TEAD1: variants seen among roughly 807,000 people sequenced by gnomAD.
TEAD1 encodes TEA domain transcription factor 1, also known as transcriptional enhancer factor TEF-1.
In TEAD1, 9 loss-of-function variants were observed where a neutral mutation model predicts 54.9. The ratio of observed to expected loss-of-function variants is 0.16; its 90% CI spans 0.10 to 0.29. The LOEUF is 0.29. Among genes scored for constraint, TEAD1 ranks in the 10% least tolerant of loss-of-function variants. The pLI is 1.00. For missense variants in TEAD1, 387 were observed against 535.9 expected (o/e 0.72, Z 2.74); for synonymous variants, 200 against 187.8 (o/e 1.07, Z -0.53).
intron 10 of TEAD1, among the ~76,000 whole-genome samples, chr11:12,915,148 C>A (rs1948687128): frequency 6.6e-6 from 1 of 152,176 alleles, no homozygotes; most frequent in African/African-American, 2.4e-5. Flanking sequence ...CCACAGCCTG[C>A]TCCTGACCCT....
At chr11:12,871,473 G>A (rs868023866) in intron 5 of TEAD1, among the ~76,000 whole-genome samples, 1 of 152,182 alleles carries the variant, frequency 6.6e-6, no homozygotes. Context: ...GAATGCAGAA[G>A]CATTCTCCAT....
At chr11:12,866,191 T>C (rs1450964687) in intron 5 of TEAD1, among the ~76,000 whole-genome samples, 1 of 152,216 alleles carries the variant, frequency 6.6e-6, no homozygotes, top group Non-Finnish European at 1.5e-5. Flanking sequence ...AAAGGTGCAA[T>C]ACTCTCTATA....
intron 2 of TEAD1, among the ~76,000 whole-genome samples, chr11:12,723,717 A>T (rs1944258543): frequency 6.6e-6 from 1 of 152,210 alleles, no homozygotes; most frequent in South Asian, 2.1e-4. Context: ...CCTTCAACTT[A>T]TAAAATGTAG....
rs148991867 is a variant in TEAD1, at chr11:12,692,270, G to A, written c.-55+16709G>A. Among the ~76,000 whole-genome samples, 91 of 152,214 alleles carry A rather than the reference G, an allele frequency of 6.0e-4. 1 individual carries two copies. Among genetic ancestry groups the A allele is most frequent in the African/African-American group, 2.0e-3 (81 of 41,538 alleles). ...AAAGCAGGGCTCATTTTAAAGACAC[G>A]CTCTAATGCTTTCTTCAGAGTTTCC... On this transcript the variant is annotated intron_variant, in intron 2 of 12. Coordinates refer to ENST00000527636, the MANE Select transcript of TEAD1 (RefSeq NM_021961.6).
intron 3 of TEAD1, among the ~76,000 whole-genome samples, chr11:12,856,631 G>A (rs1465362836): frequency 6.6e-6 from 1 of 152,220 alleles, no homozygotes; most frequent in African/African-American, 2.4e-5. Flanking sequence ...CTTGTTTGAT[G>A]TAGCTTTGGT....
chr11:12,735,258 T>C (rs1167661921), intron 2 of TEAD1, among the ~76,000 whole-genome samples: 1 of 152,356 alleles, frequency 6.6e-6, no homozygotes, highest in East Asian at 1.9e-4. Context: ...GCCAGTAGAT[T>C]CTGTCTTCCT....
At chr11:12,771,427 G>C (rs906208414) in intron 3 of TEAD1, among the ~76,000 whole-genome samples, 1 of 152,294 alleles carries the variant, frequency 6.6e-6, no homozygotes, top group Middle Eastern at 3.4e-3. Flanking sequence ...AGGCGGTGCT[G>C]GTAGGAGGAG....
At chr11:12,675,022 G>T (rs1253078025) in intron 1 of TEAD1, among the ~76,000 whole-genome samples, 188 bp downstream of exon 1, 1 of 146,786 alleles carries the variant, frequency 6.8e-6, no homozygotes, top group Admixed American at 6.7e-5. Flanking sequence ...CGAGGTGAGC[G>T]GCCGGGCGCC....
intron 3 of TEAD1, among the ~76,000 whole-genome samples, chr11:12,781,707 C>G (rs1482615785): frequency 1.3e-5 from 2 of 149,854 alleles, no homozygotes; most frequent in Admixed American, 1.3e-4. Flanking sequence ...GGAACCCTCA[C>G]AGGTCACTGG....
rs535166666 is a variant in TEAD1, at chr11:12,684,794, T to C, written c.-55+9233T>C. 3.3e-5 allele frequency among the ~76,000 whole-genome samples: 5 copies of C among 152,338 alleles called. No individual in the cohort carries two copies. The South Asian group carries it at 1.0e-3, about 32-fold the overall frequency. On this transcript the variant is annotated intron_variant, in intron 2 of 12. Coordinates refer to ENST00000527636, the MANE Select transcript of TEAD1 (RefSeq NM_021961.6). ...CAGAGATAAATCTTTGCCCCTCTCC[T>C]AAGACTCGCTTCCTCTGGGCCTTAA...
intron 2 of TEAD1, among the ~76,000 whole-genome samples, chr11:12,680,787 C>T (rs1022772776): frequency 1.3e-5 from 2 of 152,218 alleles, no homozygotes; most frequent in African/African-American, 4.8e-5. Context: ...GCCCCACATG[C>T]CGCCGCTGCT....
chr11:12,708,920 A>C (rs909247326), intron 2 of TEAD1, among the ~76,000 whole-genome samples: 2 of 152,182 alleles, frequency 1.3e-5, no homozygotes, highest in Non-Finnish European at 1.5e-5. Flanking sequence ...ATATGCATTA[A>C]TTTTGGGAGG....
intron 10 of TEAD1, among the ~76,000 whole-genome samples, chr11:12,908,886 T>TTTTTTTTTTTGTTTTTTG (rs1554948594): frequency 2.2e-5 from 3 of 133,972 alleles, no homozygotes; most frequent in Admixed American, 7.5e-5. Context: ...ATTATCTGTT[T>TTTTTTTTTTTGTTTTTTG]TTTTTTTTTT....
intron 2 of TEAD1, among the ~76,000 whole-genome samples, chr11:12,754,478 C>T (rs189063561): frequency 6.6e-6 from 1 of 152,290 alleles, no homozygotes; most frequent in Non-Finnish European, 1.5e-5. Context: ...AAGTGACAGC[C>T]TGATTTCTGA....
chr11:12,747,889 A>G (rs967288873), intron 2 of TEAD1, among the ~76,000 whole-genome samples: 1 of 152,200 alleles, frequency 6.6e-6, no homozygotes, highest in Non-Finnish European at 1.5e-5. Flanking sequence ...TTGGGATTCT[A>G]AAACTCAGTA....
At chr11:12,767,179 C>T (rs1359979209) in intron 3 of TEAD1, among the ~76,000 whole-genome samples, 1 of 152,150 alleles carries the variant, frequency 6.6e-6, no homozygotes. Flanking sequence ...AGGCCCCAGC[C>T]ACTCGAGAAC....
At chr11:12,852,049 A>G (rs1263476184) in intron 3 of TEAD1, among the ~76,000 whole-genome samples, 1 of 152,196 alleles carries the variant, frequency 6.6e-6, no homozygotes, top group African/African-American at 2.4e-5. Context: ...TGTTCCAGGT[A>G]GGGTATACAG....
intron 2 of TEAD1, among the ~76,000 whole-genome samples, chr11:12,704,253 A>G (rs1413267567): frequency 1.3e-5 from 2 of 152,160 alleles, no homozygotes; most frequent in Non-Finnish European, 2.9e-5. Context: ...TTGGTATGTG[A>G]AATTTGCCGG....
chr11:12,746,562 C>T (rs985382508), intron 2 of TEAD1, among the ~76,000 whole-genome samples: 4 of 152,182 alleles, frequency 2.6e-5, no homozygotes, highest in East Asian at 1.9e-4. Context: ...GCTGTAGTGG[C>T]GGTATTGAGT....
Sources: allele counts gnomAD v4.1 joint callset (sites outside exome capture counted in the v4.1 genomes callset), GRCh38; gene constraint gnomAD v4.1.1; transcripts MANE v1.5; gene names NCBI Gene and HGNC (gene_info 2026-07-23, HGNC 2026-07-21).